The following GABRR2 variants were observed in gnomAD, a reference collection of about 807,000 sequenced individuals.
GABRR2 encodes gamma-aminobutyric acid receptor subunit rho-2.
In GABRR2, 36 loss-of-function variants were observed where a neutral mutation model predicts 47.0. The ratio of observed to expected loss-of-function variants is 0.77; its 90% CI spans 0.59 to 1.01. The LOEUF is 1.01. GABRR2 is among the 50% of genes least tolerant of loss of function. The pLI is 0.00. For missense variants in GABRR2, 587 were observed against 594.6 expected (o/e 0.99, Z 0.13); for synonymous variants, 204 against 227.5 (o/e 0.90, Z 0.93).
At chr6:89,278,962 C>T (rs1582448921) in intron 2 of GABRR2, among the ~76,000 whole-genome samples, 2 of 152,228 alleles carry the variant, frequency 1.3e-5, no homozygotes, top group African/African-American at 2.4e-5. Flanking sequence ...ATTTCCTACT[C>T]CTGGCTTCCC....
intron 1 of GABRR2, chr6:89,301,996 C>A: frequency 1.4e-6 from 1 of 733,398 alleles, no homozygotes. Flanking sequence ...AGCCCGGGAC[C>A]ATGGACAGTG....
chr6:89,302,272 C>A (rs1196103124), intron 1 of GABRR2: 1 of 567,334 alleles, frequency 1.8e-6, no homozygotes, highest in Non-Finnish European at 3.5e-6. Flanking sequence ...GCATCATGAA[C>A]ACCTTCAGCG....
At position 89,254,476 on chromosome 6, in the gene GABRR2, A is replaced by G. The variant is rs1377323908; in HGVS notation, c.*3194T>C. On this transcript the variant is annotated 3_prime_UTR_variant, in exon 9 of 9. Transcript: ENST00000402938. ...GTCCAATCACCAGTTTTTGTATAAA[A>G]CCCATTTCTTTTATTGTAACATTAA... is the stretch of plus-strand genomic sequence containing the variant. 6.6e-6 allele frequency among the ~76,000 whole-genome samples: 1 copy of G among 152,060 alleles called. No individual in the cohort carries two copies. The highest frequency in any genetic ancestry group is 6.5e-5 in the Admixed American group (1 of 15,270).
chr6:89,306,272 G>T (rs560890367), intron 1 of GABRR2, among the ~76,000 whole-genome samples: 1 of 151,908 alleles, frequency 6.6e-6, no homozygotes, highest in Non-Finnish European at 1.5e-5. Flanking sequence ...AGCAAATTGA[G>T]AGGCTGAGAC....
chr6:89,291,583 G>A (rs879282540), intron 2 of GABRR2, among the ~76,000 whole-genome samples: 10 of 151,640 alleles, frequency 6.6e-5, no homozygotes, highest in South Asian at 4.2e-4. Context: ...TTTCCTCACC[G>A]CTGGTGCTCA....
intron 2 of GABRR2, among the ~76,000 whole-genome samples, chr6:89,273,466 C>T (rs989707964): frequency 2.6e-5 from 4 of 152,192 alleles, no homozygotes; most frequent in Non-Finnish European, 4.4e-5. Flanking sequence ...AACTCCTGAC[C>T]AAAAGTGATC....
At chr6:89,285,950 C>T (rs562092384) in intron 2 of GABRR2, among the ~76,000 whole-genome samples, 1 of 152,028 alleles carries the variant, frequency 6.6e-6, no homozygotes, top group East Asian at 1.9e-4. Flanking sequence ...TCTCGCCCGA[C>T]TCCTCCTCTC....
chr6:89,285,133 T>C (rs1387363079), intron 2 of GABRR2, among the ~76,000 whole-genome samples: 2 of 152,220 alleles, frequency 1.3e-5, no homozygotes, highest in African/African-American at 4.8e-5. Flanking sequence ...GGAGGTGCCT[T>C]CTGCCCTGCC....
At chr6:89,283,616 T>C (rs1562372113) in intron 2 of GABRR2, among the ~76,000 whole-genome samples, 1 of 152,114 alleles carries the variant, frequency 6.6e-6, no homozygotes, top group African/African-American at 2.4e-5. Context: ...GTGGGGAGGA[T>C]ATATATGCAT....
At position 89,299,797 on chromosome 6, in the gene GABRR2, A is replaced by T. The variant is rs1312127974; in HGVS notation, c.182T>A (p.Val61Glu). The T allele has an allele frequency of 6.2e-7, 1 of 1,613,690 alleles. No homozygotes were observed. The highest frequency in any genetic ancestry group is 1.3e-5 in the African/African-American group (1 of 74,844). Residue 61 changes from valine (V) to glutamate (E), a missense_variant, in exon 2 of 9, where the codon GTG becomes GAG. By Grantham distance (121) the Val-to-Glu change is moderately radical. Coordinates refer to ENST00000402938, the MANE Select transcript of GABRR2 (RefSeq NM_002043.5). The part of the protein sequence containing the change: ...RKGKPQQLLR[V>E]DEHDFSMRPA... Reference sequence around the variant, plus strand: ...TCTCATGCTGAAGTCGTGCTCGTCCACTCTGAGAAGCTGCTGAGGCTTTCC... The same window carrying T: ...TCTCATGCTGAAGTCGTGCTCGTCCTCTCTGAGAAGCTGCTGAGGCTTTCC...
rs1277064355 is a variant in GABRR2 at position 89,288,692 on chromosome 6, C to T, written c.220+11067G>A. On this transcript the variant is annotated intron_variant, in intron 2 of 8. Transcript: ENST00000402938. ...TAGAGACAGCATCTTACTCTGTTGC[C>T]CAGGCTGGAATACAGATAGCTCACT... is the stretch of plus-strand genomic sequence containing the variant. Among the ~76,000 whole-genome samples, 3 of 152,214 alleles carry T rather than the reference C, an allele frequency of 2.0e-5. No homozygotes were observed. The East Asian group carries it at 5.8e-4, about 29-fold the overall frequency.
At chr6:89,303,108 C>G in intron 1 of GABRR2, 1 of 621,170 alleles carries the variant, frequency 1.6e-6, no homozygotes, top group Admixed American at 2.1e-5. Flanking sequence ...CCCAGGGCCC[C>G]AAGTGAAGCT....
At chr6:89,287,770 A>T (rs1307707058) in intron 2 of GABRR2, among the ~76,000 whole-genome samples, 3 of 152,248 alleles carry the variant, frequency 2.0e-5, no homozygotes, top group African/African-American at 7.2e-5. Flanking sequence ...CCCTGTGCTT[A>T]GTCACTGCCC....
chr6:89,300,686 A>C (rs1002381932), intron 1 of GABRR2, among the ~76,000 whole-genome samples: 6 of 150,572 alleles, frequency 4.0e-5, no homozygotes, highest in Admixed American at 3.3e-4. Context: ...TGATTCCTTG[A>C]ATAGACCAAT....
intron 2 of GABRR2, among the ~76,000 whole-genome samples, chr6:89,274,991 GCATAAGGGAAATA>G (rs1361118137): frequency 6.6e-6 from 1 of 152,090 alleles, no homozygotes; most frequent in Admixed American, 6.5e-5. Flanking sequence ...ATTCAAGGCA[GCATAAGGGAAATA>G]CATGCTTAGC....
At chr6:89,296,999 T>C (rs1469036706) in intron 2 of GABRR2, among the ~76,000 whole-genome samples, 2 of 152,192 alleles carry the variant, frequency 1.3e-5, no homozygotes, top group Non-Finnish European at 2.9e-5. Context: ...CCCAGGCTCC[T>C]GATAGCATCA....
chr6:89,285,681 C>A (rs1774322611), intron 2 of GABRR2, among the ~76,000 whole-genome samples: 1 of 152,104 alleles, frequency 6.6e-6, no homozygotes, highest in Non-Finnish European at 1.5e-5. Flanking sequence ...AAGTTGAGAA[C>A]CCCTGGATTA....
At chr6:89,314,407 A>G (rs1767729436) in intron 1 of GABRR2, among the ~76,000 whole-genome samples, 1 of 152,178 alleles carries the variant, frequency 6.6e-6, no homozygotes, top group Non-Finnish European at 1.5e-5. Flanking sequence ...AGGAACTTAG[A>G]TTTGTAATGT....
chr6:89,257,734 G>A lies in GABRR2; in HGVS notation c.1334C>T (p.Ser445Phe). 1.2e-6 allele frequency: 2 copies of A among 1,614,012 alleles called. No individual in the cohort carries two copies. Among genetic ancestry groups the A allele is most frequent in the Non-Finnish European group, 1.7e-6 (2 of 1,179,870 alleles). Residue 445 changes from serine (S) to phenylalanine (F), a missense_variant, in exon 9 of 9, where the codon TCT becomes TTT. Physicochemically the swap from Ser to Phe is radical, Grantham distance 155. Coordinates refer to ENST00000402938, the MANE Select transcript of GABRR2 (RefSeq NM_002043.5). ...GTAGGAGGCAGGGAATATCAACCTA[G>A]AGTATTTGTCAATGGCATGGGTATT... ...FQNTHAIDKY[S>F]RLIFPASYIF...
Sources: allele counts gnomAD v4.1 joint callset (sites outside exome capture counted in the v4.1 genomes callset), GRCh38; gene constraint gnomAD v4.1.1; transcripts MANE v1.5; gene names NCBI Gene and HGNC (gene_info 2026-07-23, HGNC 2026-07-21).